The following HDAC6 variants were observed in gnomAD, a reference collection of about 807,000 sequenced individuals.
The protein encoded by HDAC6 is histone deacetylase 6, also known as protein deacetylase HDAC6.
HDAC6 carries 5 observed loss-of-function variants against 88.9 expected under a neutral mutation model. The observed-to-expected ratio is 0.06, with a 90% CI of 0.03 to 0.12. HDAC6 has a LOEUF of 0.12. Among genes scored for constraint, HDAC6 ranks in the 10% least tolerant of loss-of-function variants. The probability of loss-of-function intolerance (pLI) is 1.00; values close to 1 mark genes in which losing one functional copy is unlikely to be tolerated. For missense variants in HDAC6, 706 were observed against 1,014.4 expected, an observed-to-expected ratio of 0.70 and a Z score of 4.13; for synonymous variants, 378 against 398.0, an observed-to-expected ratio of 0.95 and a Z score of 0.60.
chrX:48,812,599 T>G (rs1253279459), intron 10 of HDAC6, among the ~76,000 whole-genome samples: 1 of 112,097 alleles, frequency 8.9e-6, no homozygotes, highest in Non-Finnish European at 1.9e-5. Flanking sequence ...GTCTACTTTC[T>G]AGAAATTCAT....
chrX:48,823,612 G>A, intron 25 of HDAC6, 24 bp downstream of exon 25: 3 of 1,182,660 alleles, frequency 2.5e-6, no homozygotes, highest in Non-Finnish European at 3.4e-6. Context: ...CACCCAGGTA[G>A]GGGCAAGAAG....
chrX:48,822,673 C>T lies in HDAC6; in HGVS notation c.2391C>T (p.Ser797=). The T allele has an allele frequency of 4.1e-6, 5 of 1,209,212 alleles. No individual in the cohort carries two copies. Among genetic ancestry groups the T allele is most frequent in the Non-Finnish European group, 5.6e-6 (5 of 893,805 alleles). The change falls in exon 24 of 29, where the codon TCC becomes TCT. Residue 797 remains serine (S), a synonymous_variant. Transcript: ENST00000334136. ...ISESMAACTR[S]LLGDPPPLLT... is the part of the protein sequence containing the mutation. ...AGTCCATGGCTGCCTGCACTCGCTC[C>T]CTCCTTGGAGACCCACCACCCCTGC...
At position 48,803,201 on chromosome X, in the gene HDAC6, G is replaced by A. The variant is rs1557023103; in HGVS notation, c.296G>A (p.Cys99Tyr). Residue 99 changes from cysteine (C) to tyrosine (Y), a missense_variant, in exon 4 of 29, where the codon TGC (cysteine) becomes TAC (tyrosine). Cys to Tyr is a radical substitution (Grantham distance 194). Transcript: ENST00000334136. ...GATGAGCAGTTAAATGAATTCCATTGCCTCTGGGATGACAGGTGAGGCTGG... is the reference window on the plus strand; with the variant it reads ...GATGAGCAGTTAAATGAATTCCATTACCTCTGGGATGACAGGTGAGGCTGG... ...VLDEQLNEFH[C>Y]LWDDSFPEGP... 8.3e-7 allele frequency: 1 copy of A among 1,206,491 alleles called. No homozygotes were observed. The highest frequency in any genetic ancestry group is 1.1e-6 in the Non-Finnish European group (1 of 891,561).
chrX:48,803,813 T>C (rs1233842146), intron 4 of HDAC6, among the ~76,000 whole-genome samples: 1 of 111,743 alleles, frequency 8.9e-6, no homozygotes, highest in Non-Finnish European at 1.9e-5. Flanking sequence ...TCACCTCTAT[T>C]ATCTGTTCAT....
chrX:48,805,914 C>T (rs2062809850), intron 6 of HDAC6: 1 of 431,047 alleles, frequency 2.3e-6, no homozygotes, highest in African/African-American at 2.5e-5. Context: ...CCATGATGAG[C>T]TATTACTGTT....
rs191943015 is a variant in HDAC6 at position 48,805,358 on chromosome X, G to A, written c.312-80G>A. The A allele has an allele frequency of 1.0e-3, 738 of 723,543 alleles. 5 individuals are homozygous for A. The African/African-American group carries it at 0.015, about 14-fold the overall frequency. The allele number at this position is 723,543 out of a possible 1,213,427, so 59.6% of individuals were successfully genotyped here. ...TTGGGGTAAGCAGCTGTGGAAGGGT[G>A]GATGGGGAGATGTGGAGAGAACAGA... On this transcript the variant is annotated intron_variant, in intron 4 of 28. Transcript: ENST00000334136.
chrX:48,824,936 G>A lies in HDAC6; in HGVS notation c.*324G>A, dbSNP rs1557032019. On this transcript the variant is annotated 3_prime_UTR_variant, in exon 29 of 29. Transcript: ENST00000334136. The stretch of plus-strand genomic sequence containing the variant: ...GGGAGGGGAGTTAACTGGCAGGCAT[G>A]GCAAGGTTGCATATGTAATAAAGTA... 1.9e-6 allele frequency: 2 copies of A among 1,054,517 alleles called. No individual in the cohort carries two copies. 86.9% of individuals were successfully genotyped at this position (1,054,517 alleles called of 1,213,427 possible).
chrX:48,802,406 C>T, intron 1 of HDAC6: 1 of 930,683 alleles, frequency 1.1e-6, no homozygotes, highest in Non-Finnish European at 1.4e-6. Flanking sequence ...CTCATTGCTC[C>T]GTGAAAGGGC....
chrX:48,804,331 C>T (rs1179235769), intron 4 of HDAC6, among the ~76,000 whole-genome samples: 1 of 111,708 alleles, frequency 9.0e-6, no homozygotes, highest in Non-Finnish European at 1.9e-5. Flanking sequence ...CCTTGTTCTT[C>T]CAACATGCCA....
At chrX:48,810,544 C>CAGAT (rs1206407614) in intron 10 of HDAC6, 4 of 111,307 alleles carry the variant, frequency 3.6e-5, no homozygotes, top group Non-Finnish European at 1.9e-5. Context: ...TTCTGTTAGT[C>CAGAT]AGATGTTAGA....
chrX:48,821,881 G>A (rs147285278), intron 23 of HDAC6, among the ~76,000 whole-genome samples: 4 of 111,874 alleles, frequency 3.6e-5, no homozygotes, highest in African/African-American at 9.8e-5. Context: ...GCAAAAAGTC[G>A]CACTTACTAT....
Position 48,815,659 on chromosome X carries a change from G to A in HDAC6, c.1324+17G>A. The A allele has an allele frequency of 1.7e-6, 2 of 1,193,124 alleles. No individual in the cohort carries two copies. The highest frequency in any genetic ancestry group is 3.0e-5 in the East Asian group (1 of 33,786). On this transcript the variant is annotated intron_variant, in intron 16 of 28. Coordinates refer to ENST00000334136, the MANE Select transcript of HDAC6 (RefSeq NM_006044.4). ...TGAGATCAAGTAGGAAGTGGGGTGTGGGCCTGGTGTGGGGTGGACGTGGGA... is the reference window on the plus strand; with the variant it reads ...TGAGATCAAGTAGGAAGTGGGGTGTAGGCCTGGTGTGGGGTGGACGTGGGA...
chrX:48,809,434 T>G (rs1557025332), intron 10 of HDAC6, among the ~76,000 whole-genome samples: 2 of 111,625 alleles, frequency 1.8e-5, no homozygotes, highest in African/African-American at 6.5e-5. Context: ...TGGTTGAGCA[T>G]CCTTAATCTG....
intron 8 of HDAC6, chrX:48,806,949 A>G (rs1602240936): frequency 1.1e-5 from 3 of 273,633 alleles, no homozygotes; most frequent in South Asian, 1.5e-4. Context: ...AATAAATACC[A>G]TATTTCATTG....
intron 19 of HDAC6, chrX:48,816,929 G>C: frequency 3.1e-6 from 1 of 318,119 alleles, no homozygotes; most frequent in Non-Finnish European, 5.4e-6. Flanking sequence ...ACTCTAGCCT[G>C]GGCAACAGAG....
chrX:48,812,151 A>G (rs1426489552), intron 10 of HDAC6, among the ~76,000 whole-genome samples: 1 of 112,832 alleles, frequency 8.9e-6, no homozygotes, highest in Non-Finnish European at 1.9e-5. Context: ...ATAGGAGGCT[A>G]TAGCTGTGTG....
In HDAC6 at chrX:48,823,549, T is replaced by C. The variant is rs1156569760; in HGVS notation, c.3150T>C (p.Ile1050=). The C allele has an allele frequency of 2.5e-6, 3 of 1,207,877 alleles. No homozygotes were observed. The highest frequency in any genetic ancestry group is 3.4e-6 in the Non-Finnish European group (3 of 894,217). The change falls in exon 25 of 29, where the codon ATT becomes ATC. Residue 1050 remains isoleucine, a synonymous_variant. Coordinates refer to ENST00000334136, the MANE Select transcript of HDAC6 (RefSeq NM_006044.4). The stretch of plus-strand genomic sequence containing the variant: ...CCCAGATATCTCCCAGTACACTGAT[T>C]GGGAGTCTCAGGACCTTGGAGCTAG... ...TTPQISPSTL[I]GSLRTLELGS...
chrX:48,816,137 C>G lies in HDAC6; in HGVS notation c.1494-4C>G. On this transcript the variant is annotated splice_region_variant and splice_polypyrimidine_tract_variant and intron_variant, in intron 17 of 28. Transcript: ENST00000334136. Reference sequence around the variant, plus strand: ...GCCTCTACCTCTCGTTTCCCCACTGCTAGCCACCACCCTGAGGTACCCCAG... The same window carrying G: ...GCCTCTACCTCTCGTTTCCCCACTGGTAGCCACCACCCTGAGGTACCCCAG... 1 of 1,211,473 alleles carries G rather than the reference C, an allele frequency of 8.3e-7. No homozygotes were observed. Among genetic ancestry groups the G allele is most frequent in the Non-Finnish European group, 1.1e-6 (1 of 895,429 alleles).
Position 48,820,269 on chromosome X carries a change from G to T in HDAC6, c.2337+14G>T, listed in dbSNP as rs369651408. The T allele has an allele frequency of 8.6e-6, 10 of 1,158,208 alleles. No individual in the cohort carries two copies. The African/African-American group carries it at 1.8e-4, about 21-fold the overall frequency. On this transcript the variant is annotated intron_variant, in intron 23 of 28. Transcript: ENST00000334136. The stretch of plus-strand genomic sequence containing the variant: ...CTTATCCTAGAGGTAACTTTCTCTT[G>T]GTCCCTCTTCCCACAGTGGGAGGGT...
Sources: gnomAD v4.1 joint callset for allele counts (sites outside exome capture counted in the v4.1 genomes callset) on GRCh38, gnomAD v4.1.1 for gene constraint, MANE v1.5 for transcripts, NCBI Gene and HGNC (gene_info 2026-07-23, HGNC 2026-07-21) for gene names.